CEP164: variants seen among roughly 807,000 people sequenced by gnomAD.
The protein encoded by CEP164 is centrosomal protein 164.
A neutral mutation model predicts 182.7 loss-of-function variants in CEP164; 162 were observed. The observed-to-expected ratio is 0.89, with a 90% CI of 0.78 to 1.01. The LOEUF is 1.01. Among genes scored for constraint, CEP164 ranks in the 50% least tolerant of loss-of-function variants. The probability of loss-of-function intolerance (pLI) is 0.00; values close to 1 mark genes in which losing one functional copy is unlikely to be tolerated. For missense variants in CEP164, 1,735 were observed against 1,790.4 expected (o/e 0.97, Z 0.56); for synonymous variants, 661 against 690.0 (o/e 0.96, Z 0.66).
At chr11:117,345,806 G>T (rs1350911037) in intron 4 of CEP164, among the ~76,000 whole-genome samples, 1 of 151,944 alleles carries the variant, frequency 6.6e-6, no homozygotes, top group Non-Finnish European at 1.5e-5. Flanking sequence ...TCCTGCCTCA[G>T]CCTCCCAAGT....
At chr11:117,365,739 C>G (rs1210232114) in intron 8 of CEP164, among the ~76,000 whole-genome samples, 2 of 152,060 alleles carry the variant, frequency 1.3e-5, no homozygotes, top group Non-Finnish European at 2.9e-5. Context: ...GCCACCATGC[C>G]TGGCTAATTT....
In CEP164 at chr11:117,391,205, A is replaced by G. The variant is rs779737226; in HGVS notation, c.2273A>G (p.Glu758Gly). 1.2e-6 allele frequency: 2 copies of G among 1,609,122 alleles called. No homozygotes were observed. Among genetic ancestry groups the G allele is most frequent in the Non-Finnish European group, 1.7e-6 (2 of 1,178,456 alleles). Residue 758 changes from glutamate to glycine, a missense_variant, in exon 17 of 33, where the codon GAG becomes GGG. By Grantham distance (98) the Glu-to-Gly change is moderately conservative. Transcript: ENST00000278935. ...CAGCTGAGGGAGCAGCTGGAAGGGG[A>G]GAGGAAAGAAGTGAGCTAGTCAAGT... ...LQQLREQLEG[E>G]RKEAVATLEK...
intron 28 of CEP164, 75 bp downstream of exon 28, chr11:117,408,107 T>C (rs2046917657): frequency 3.5e-6 from 4 of 1,146,774 alleles, no homozygotes; most frequent in East Asian, 2.7e-5. Flanking sequence ...TTGAGTTCTT[T>C]GGTCCTGCAT....
rs2045222454 is a variant in CEP164 at position 117,394,832 on chromosome 11, G to A, written c.2761-88G>A. 1 of 1,287,392 alleles carries A rather than the reference G, an allele frequency of 7.8e-7. No individual in the cohort carries two copies. The highest frequency in any genetic ancestry group is 1.1e-6 in the Non-Finnish European group (1 of 895,766). The allele number at this position is 1,287,392 out of a possible 1,614,324, so 79.7% of individuals were successfully genotyped here. ...CTGAGCCCAGAGTGGAGGTTGTGGT[G>A]TGGCATGGTGGGTTCTGGAACCCCC... On this transcript the variant is annotated intron_variant, in intron 21 of 32. Transcript: ENST00000278935. This position sits in a 1 kb window ranked among gnomAD's most constrained non-coding sequence, Gnocchi z 4.0.
intron 27 of CEP164, among the ~76,000 whole-genome samples, chr11:117,401,750 T>C (rs965334896): frequency 6.6e-6 from 1 of 152,244 alleles, no homozygotes; most frequent in South Asian, 2.1e-4. Context: ...CTAGATTTTC[T>C]AGTTTATTTG....
rs147017282 is a variant in CEP164, at chr11:117,346,558, A to G, written c.194+2281A>G. Reference sequence around the variant, plus strand: ...AGGCGTGAGCCACCACGCCCGGCCTATTTTTCACTTTTTAAAATAAGTTGG... The same window carrying G: ...AGGCGTGAGCCACCACGCCCGGCCTGTTTTTCACTTTTTAAAATAAGTTGG... On this transcript the variant is annotated intron_variant, in intron 4 of 32. Transcript: ENST00000278935. 3.3e-3 allele frequency among the ~76,000 whole-genome samples: 495 copies of G among 148,624 alleles called. 7 individuals carry two copies. Among genetic ancestry groups the G allele is most frequent in the African/African-American group, 0.012 (478 of 40,690 alleles).
intron 1 of CEP164, among the ~76,000 whole-genome samples, chr11:117,334,784 C>CAAAAA (rs5795074): frequency 9.7e-6 from 1 of 102,976 alleles, no homozygotes. Flanking sequence ...GACTTCGTTT[C>CAAAAA]AAAAAAAAAA....
In CEP164 at chr11:117,361,856, C is replaced by T. The variant is rs753257758; in HGVS notation, c.415C>T (p.Pro139Ser). 1 of 1,614,192 alleles carries T rather than the reference C, an allele frequency of 6.2e-7. No individual in the cohort carries two copies. Among genetic ancestry groups the T allele is most frequent in the Non-Finnish European group, 8.5e-7 (1 of 1,180,042 alleles). Residue 139 changes from proline (P) to serine (S), a missense_variant, in exon 6 of 33, where the codon CCA becomes TCA. Pro to Ser is a moderately conservative substitution (Grantham distance 74, BLOSUM62 -1). Transcript: ENST00000278935. ...ACAGGCCTTGGGTTCCTCATTAGCC[C>T]CAGTTCATGTTCCTCTTGGGGGCCT... ...SSLALGSSLAPVHVPLGGLAP... is the reference protein window; with the variant it reads ...SSLALGSSLASVHVPLGGLAP...
At chr11:117,354,519 C>T (rs1035849114) in intron 5 of CEP164, among the ~76,000 whole-genome samples, 5 of 152,202 alleles carry the variant, frequency 3.3e-5, no homozygotes, top group African/African-American at 9.6e-5. Context: ...GTCTTTGTGA[C>T]GCCTCTTCTC....
chr11:117,394,723 A>G lies in CEP164; in HGVS notation c.2761-197A>G, dbSNP rs1261442697. Among the ~76,000 whole-genome samples the G allele has an allele frequency of 6.6e-6, 1 of 152,078 alleles. No individual in the cohort carries two copies. Among genetic ancestry groups the G allele is most frequent in the East Asian group, 1.9e-4 (1 of 5,180 alleles). On this transcript the variant is annotated intron_variant, in intron 21 of 32. Transcript: ENST00000278935. The surrounding 1 kb of genome is among the most constrained non-coding windows in gnomAD (Gnocchi z 4.0). ...GCCCCTGTAAGGCATTGGGGTTGGC[A>G]CCTTTGCGTCTCCTTGCCCCAGCAG...
intron 2 of CEP164, among the ~76,000 whole-genome samples, chr11:117,336,814 AGACTCCTGTTGGT>A (rs1330023427): frequency 1.3e-5 from 2 of 152,012 alleles, no homozygotes; most frequent in Non-Finnish European, 2.9e-5. Flanking sequence ...TTGTGGCTCC[AGACTCCTGTTGGT>A]CACATTTGGT....
intron 2 of CEP164, among the ~76,000 whole-genome samples, chr11:117,337,164 G>C (rs1319952864): frequency 6.6e-6 from 1 of 152,068 alleles, no homozygotes; most frequent in Non-Finnish European, 1.5e-5. Context: ...TCATAGTTCT[G>C]GAAGCTAGAA....
intron 28 of CEP164, 68 bp from the exon 29 acceptor site, chr11:117,408,822 G>T (rs779598203): frequency 3.1e-5 from 49 of 1,595,494 alleles, no homozygotes; most frequent in Non-Finnish European, 4.2e-5. Flanking sequence ...CCACTTCCTA[G>T]GAAGGAAAAA....
Position 117,363,461 on chromosome 11 carries a change from C to G in CEP164, c.720C>G (p.Asn240Lys), listed in dbSNP as rs2041244905. The change falls in exon 8 of 33, where the codon AAC (asparagine) becomes AAG (lysine). Residue 240 changes from asparagine to lysine, a missense_variant. Coordinates refer to ENST00000278935, the MANE Select transcript of CEP164 (RefSeq NM_014956.5). ...SVHSSSEPLR[N>K]LHLDIGALGG... ...ACAGCTCAAGTGAGCCTCTTAGGAACCTACACCTGGACATTGGGGCACTGG... is the reference window on the plus strand; with the variant it reads ...ACAGCTCAAGTGAGCCTCTTAGGAAGCTACACCTGGACATTGGGGCACTGG... The G allele has an allele frequency of 1.2e-6, 2 of 1,614,000 alleles. No homozygotes were observed.
At chr11:117,329,839 C>CTTTTTTTTTTT (rs61429989) in intron 1 of CEP164, among the ~76,000 whole-genome samples, 18 of 95,542 alleles carry the variant, frequency 1.9e-4, no homozygotes, top group Admixed American at 2.7e-4. Context: ...TGCGCCTGGC[C>CTTTTTTTTTTT]TTTTTTTTTT....
intron 26 of CEP164, 34 bp from the exon 27 acceptor site, chr11:117,397,057 C>T (rs748160326): frequency 1.3e-6 from 2 of 1,587,526 alleles, no homozygotes; most frequent in East Asian, 4.5e-5. Context: ...TTCTTAGAGG[C>T]TTCTGTTTTC....
Position 117,407,930 on chromosome 11 carries a change from C to CAG in CEP164, c.3508_3509dup (p.His1171GlyfsTer6). ...TGTTTTCTCCTTGGCTGCAGGAGACCAGGCACCTGGATGAGATGAAGTCGG... is the reference window on the plus strand; with the variant it reads ...TGTTTTCTCCTTGGCTGCAGGAGACCAGAGGCACCTGGATGAGATGAAGTCGG... On this transcript the variant is annotated frameshift_variant, in exon 28 of 33. Transcript: ENST00000278935. LOFTEE classifies it high-confidence loss of function. 1 of 1,590,274 alleles carries CAG rather than the reference C, an allele frequency of 6.3e-7. No individual in the cohort carries two copies. Among genetic ancestry groups the CAG allele is most frequent in the Non-Finnish European group, 8.6e-7 (1 of 1,168,066 alleles).
intron 4 of CEP164, among the ~76,000 whole-genome samples, chr11:117,346,079 G>C (rs2038852624): frequency 6.6e-6 from 1 of 152,106 alleles, no homozygotes; most frequent in Admixed American, 6.6e-5. Flanking sequence ...GGTGCTGAGG[G>C]CTTCTGGTCA....
chr11:117,374,527 G>A (rs1253012355), intron 10 of CEP164, among the ~76,000 whole-genome samples: 1 of 152,188 alleles, frequency 6.6e-6, no homozygotes, highest in African/African-American at 2.4e-5. Flanking sequence ...GAATTAGGAA[G>A]CTGTGTGTGC....
Sources: gnomAD v4.1 joint callset for allele counts (sites outside exome capture counted in the v4.1 genomes callset) on GRCh38, gnomAD v4.1.1 for gene constraint, Gnocchi (gnomAD v3.1) non-coding constraint, MANE v1.5 for transcripts, NCBI Gene and HGNC (gene_info 2026-07-23, HGNC 2026-07-21) for gene names.